Variants in LRBA observed in about 807,000 individuals in gnomAD.
The protein encoded by LRBA is LPS responsive beige-like anchor protein, also known as lipopolysaccharide-responsive and beige-like anchor protein.
LRBA carries 176 observed loss-of-function variants against 330.0 expected under a neutral mutation model. The observed-to-expected ratio is 0.53, with a 90% confidence interval of 0.47 to 0.60. The LOEUF (loss-of-function observed/expected upper bound fraction) is 0.60, where lower values mean the gene tolerates loss of function less well. LRBA is among the 20% of genes least tolerant of loss of function. The pLI, the probability that LRBA is intolerant of heterozygous loss-of-function variation, is 0.00. For missense variants in LRBA, 3,259 were observed against 3,444.8 expected, an observed-to-expected ratio of 0.95 and a Z score of 1.35; for synonymous variants, 1,230 against 1,193.0, an observed-to-expected ratio of 1.03 and a Z score of -0.64.
At chr4:150,754,751 GA>G (rs967682393) in intron 35 of LRBA, among the ~76,000 whole-genome samples, 4 of 150,708 alleles carry the variant, frequency 2.7e-5, no homozygotes, top group South Asian at 2.1e-4. Flanking sequence ...TCTCTTAAAA[GA>G]AAAAAAAATT....
chr4:150,723,493 C>A (rs1729221212), intron 36 of LRBA, among the ~76,000 whole-genome samples: 2 of 152,114 alleles, frequency 1.3e-5, no homozygotes, highest in African/African-American at 4.8e-5. Flanking sequence ...AGGTAAGGAT[C>A]CAGTCCTGGT....
intron 56 of LRBA, among the ~76,000 whole-genome samples, chr4:150,266,933 G>GTCTT (rs369565597): frequency 1.2e-4 from 19 of 152,194 alleles, no homozygotes; most frequent in African/African-American, 3.9e-4. Context: ...AGACAAAATA[G>GTCTT]TCTTTCAGTC....
chr4:150,984,622 C>T (rs147636733), intron 2 of LRBA, among the ~76,000 whole-genome samples: 30 of 152,274 alleles, frequency 2.0e-4, no homozygotes, highest in African/African-American at 7.0e-4. Context: ...AGGTAATCTG[C>T]TACAAGTCTT....
In LRBA at chr4:150,436,753, T is replaced by C; in HGVS notation, c.6892A>G (p.Ser2298Gly). ...CTTAGCAGCCATGCAAGAACAAAAC[T>C]TGCAGTTGAGTAATGAGTACCATAG... is the stretch of plus-strand genomic sequence containing the variant. ...FHYGTHYSTA[S>G]FVLAWLLRIE... The change falls in exon 45 of 57, where the codon AGT becomes GGT. Residue 2298 changes from serine (S) to glycine (G), a missense_variant. Coordinates refer to ENST00000651943, the MANE Select transcript of LRBA (RefSeq NM_001364905.1). The C allele has an allele frequency of 6.2e-7, 1 of 1,613,140 alleles. No homozygotes were observed. The highest frequency in any genetic ancestry group is 8.5e-7 in the Non-Finnish European group (1 of 1,179,436).
At chr4:150,763,231 T>G (rs960407639) in intron 34 of LRBA, among the ~76,000 whole-genome samples, 1 of 151,916 alleles carries the variant, frequency 6.6e-6, no homozygotes, top group Non-Finnish European at 1.5e-5. Flanking sequence ...AGAAACAAAT[T>G]CATAAAATCC....
At chr4:150,970,306 C>G (rs569498990) in intron 2 of LRBA, among the ~76,000 whole-genome samples, 1 of 151,820 alleles carries the variant, frequency 6.6e-6, no homozygotes, top group East Asian at 1.9e-4. Context: ...TTAAGACCAG[C>G]CTGGGCAACT....
intron 37 of LRBA, among the ~76,000 whole-genome samples, chr4:150,671,922 T>A (rs148657979): frequency 1.3e-5 from 2 of 152,156 alleles, no homozygotes; most frequent in Admixed American, 1.3e-4. Flanking sequence ...CAAGGCAATA[T>A]GAAGGAACTG....
At chr4:150,581,576 A>G (rs772656457) in intron 40 of LRBA, 2 of 199,456 alleles carry the variant, frequency 1.0e-5, no homozygotes, top group Middle Eastern at 2.0e-3. Flanking sequence ...TTTCTGAACC[A>G]TTGCTACTCT....
At chr4:150,396,052 T>C (rs532980237) in intron 47 of LRBA, among the ~76,000 whole-genome samples, 1 of 152,236 alleles carries the variant, frequency 6.6e-6, no homozygotes, top group African/African-American at 2.4e-5. Context: ...TCTGAGAATG[T>C]CTGTGAGGGT....
intron 40 of LRBA, among the ~76,000 whole-genome samples, chr4:150,497,174 T>C (rs1194005584): frequency 6.6e-6 from 1 of 152,162 alleles, no homozygotes; most frequent in Non-Finnish European, 1.5e-5. Flanking sequence ...ATTAACATAG[T>C]TTTTACATTT....
At chr4:150,910,477 C>T (rs1387466634) in intron 9 of LRBA, among the ~76,000 whole-genome samples, 1 of 152,074 alleles carries the variant, frequency 6.6e-6, no homozygotes, top group African/African-American at 2.4e-5. Flanking sequence ...ATCATTTGAC[C>T]GTATATGCAA....
chr4:150,382,524 G>T (rs913057424), intron 47 of LRBA, among the ~76,000 whole-genome samples: 5 of 151,936 alleles, frequency 3.3e-5, no homozygotes, highest in African/African-American at 1.2e-4. Flanking sequence ...TCAGGAGGCC[G>T]AGGCAAGAGA....
intron 34 of LRBA, among the ~76,000 whole-genome samples, chr4:150,797,090 C>T (rs2198190): frequency 0.87 from 132,642 of 151,842 alleles, 58,481 homozygotes; most frequent in Non-Finnish European, 0.95. Flanking sequence ...TTGTTCTTAT[C>T]GCACCTTATT....
chr4:150,680,279 G>T (rs1287619737), intron 37 of LRBA, among the ~76,000 whole-genome samples: 2 of 152,072 alleles, frequency 1.3e-5, no homozygotes, highest in Non-Finnish European at 2.9e-5. Flanking sequence ...GACAGTAAAG[G>T]GCACAGTTAT....
intron 2 of LRBA, among the ~76,000 whole-genome samples, chr4:150,981,483 G>C (rs1347387072): frequency 1.3e-5 from 2 of 150,938 alleles, no homozygotes; most frequent in African/African-American, 4.9e-5. Flanking sequence ...AAGCTATCCT[G>C]AGCAAAAGAA....
intron 47 of LRBA, among the ~76,000 whole-genome samples, chr4:150,372,559 CCAAA>C (rs1561081633): frequency 3.2e-5 from 1 of 31,388 alleles, no homozygotes. Flanking sequence ...GATCCCATCT[CCAAA>C]AAAAAAAAAA....
At chr4:150,784,786 T>C (rs937497792) in intron 34 of LRBA, among the ~76,000 whole-genome samples, 1 of 152,136 alleles carries the variant, frequency 6.6e-6, no homozygotes, top group African/African-American at 2.4e-5. Context: ...GTCAGTGTCA[T>C]TTTATCTAAA....
At chr4:150,326,011 A>ACACAGGTTGATTT in intron 48 of LRBA, 113 bp from the exon 49 acceptor site, 1 of 698,050 alleles carries the variant, frequency 1.4e-6, no homozygotes, top group Non-Finnish European at 2.6e-6. Flanking sequence ...CATGCTGAAA[A>ACACAGGTTGATTT]TCAACCTGTG....
intron 56 of LRBA, among the ~76,000 whole-genome samples, chr4:150,266,735 T>TAAAG (rs1360399082): frequency 1.3e-5 from 2 of 152,104 alleles, no homozygotes; most frequent in Admixed American, 6.5e-5. Context: ...TATCAGTCAT[T>TAAAG]AAAGAGATTA....
Sources: gnomAD v4.1 joint callset for allele counts (sites outside exome capture counted in the v4.1 genomes callset) on GRCh38, gnomAD v4.1.1 for gene constraint, MANE v1.5 for transcripts, NCBI Gene and HGNC (gene_info 2026-07-23, HGNC 2026-07-21) for gene names.